The following WSCD2 variants were observed in gnomAD, a reference collection of about 807,000 sequenced individuals.
The protein encoded by WSCD2 is sialate:O-sulfotransferase 2.
Under a neutral mutation model 55.7 loss-of-function variants are expected in WSCD2, and 28 were observed. The observed-to-expected ratio is 0.50, with a 90% CI of 0.37 to 0.69. The LOEUF is 0.69. Ranked by LOEUF, WSCD2 falls within the 30% of genes least tolerant of loss-of-function variation. The pLI is 0.00. For synonymous variants in WSCD2, 301 were observed against 301.9 expected (o/e 1.00, Z 0.03); for missense variants, 616 against 762.1 (o/e 0.81, Z 2.26).
chr12:108,248,504 G>T lies in WSCD2; in HGVS notation c.*161G>T, dbSNP rs1180372132. On this transcript the variant is annotated 3_prime_UTR_variant, in exon 9 of 9. Coordinates refer to ENST00000547525, the MANE Select transcript of WSCD2 (RefSeq NM_014653.4). The surrounding 1 kb of genome is among the most constrained non-coding windows in gnomAD (Gnocchi z 4.3). The stretch of plus-strand genomic sequence containing the variant: ...ATGAGTTTCCTGCATGACAGAGGAG[G>T]CTCAAGGGAAGAGATTGCCCAGGCA... 4 of 1,425,670 alleles carry T rather than the reference G, an allele frequency of 2.8e-6. No individual in the cohort carries two copies. Among genetic ancestry groups the T allele is most frequent in the Non-Finnish European group, 1.8e-6 (2 of 1,093,858 alleles). The allele number at this position is 1,425,670 out of a possible 1,614,324, so 88.3% of individuals were successfully genotyped here.
In WSCD2 at chr12:108,151,488, G is replaced by A. The variant is rs58899115; in HGVS notation, c.-552+21562G>A. The stretch of plus-strand genomic sequence containing the variant: ...GGGGGTTCTATTGGCTAGGAAGAGG[G>A]AAGAGATGGAGTACAGGATTCACTG... On this transcript the variant is annotated intron_variant, in intron 1 of 8. Transcript: ENST00000547525. Among the ~76,000 whole-genome samples the A allele has an allele frequency of 5.5e-3, 842 of 152,332 alleles. 8 individuals carry two copies. Among genetic ancestry groups the A allele is most frequent in the African/African-American group, 0.02 (813 of 41,574 alleles).
At chr12:108,144,536 C>A (rs187675494) in intron 1 of WSCD2, among the ~76,000 whole-genome samples, 1 of 152,290 alleles carries the variant, frequency 6.6e-6, no homozygotes, top group East Asian at 1.9e-4. Context: ...AGGATTCTAT[C>A]CTAGCTCTCT....
chr12:108,161,151 C>T (rs1879014086), intron 1 of WSCD2, among the ~76,000 whole-genome samples: 2 of 152,298 alleles, frequency 1.3e-5, no homozygotes, highest in South Asian at 4.1e-4. Flanking sequence ...TCACTTTCTT[C>T]ATCTGTAAAA....
chr12:108,152,981 AT>A (rs1207876304), intron 1 of WSCD2, among the ~76,000 whole-genome samples: 2 of 152,118 alleles, frequency 1.3e-5, no homozygotes, highest in Non-Finnish European at 2.9e-5. Context: ...GTGCACACCT[AT>A]AACCCCAGCT....
intron 1 of WSCD2, among the ~76,000 whole-genome samples, chr12:108,158,425 G>A (rs1024796576): frequency 4.6e-5 from 6 of 129,280 alleles, no homozygotes; most frequent in Admixed American, 2.8e-4. Context: ...GTTAGGCTGC[G>A]CATGTTCCCA....
chr12:108,177,654 C>T (rs1881072005), intron 1 of WSCD2, among the ~76,000 whole-genome samples: 1 of 152,260 alleles, frequency 6.6e-6, no homozygotes, highest in South Asian at 2.1e-4. Flanking sequence ...GGCGTGGTGG[C>T]TCACACCTGT....
At chr12:108,157,789 T>C (rs1307637349) in intron 1 of WSCD2, among the ~76,000 whole-genome samples, 1 of 152,154 alleles carries the variant, frequency 6.6e-6, no homozygotes, top group East Asian at 1.9e-4. Context: ...TGGTAGATAT[T>C]TGGGTTTGTG....
At position 108,248,586 on chromosome 12, in the gene WSCD2, G is replaced by C; in HGVS notation, c.*243G>C. The C allele has an allele frequency of 7.7e-7, 1 of 1,306,690 alleles. No homozygotes were observed. Among genetic ancestry groups the C allele is most frequent in the Non-Finnish European group, 9.8e-7 (1 of 1,024,660 alleles). The allele number at this position is 1,306,690 out of a possible 1,614,324, so 80.9% of individuals were successfully genotyped here. A position where few individuals can be genotyped will look rare whatever the true frequency, so the allele number is the denominator to read the frequency against. ...CAATGTGGGGCATCTTGTTTAGGGG[G>C]TTCTAGTTACATGGACTCTTTTCTG... is the stretch of plus-strand genomic sequence containing the variant. On this transcript the variant is annotated 3_prime_UTR_variant, in exon 9 of 9. Transcript: ENST00000547525. The surrounding 1 kb of genome is among the most constrained non-coding windows in gnomAD (Gnocchi z 4.3).
chr12:108,227,306 C>T, intron 6 of WSCD2, 142 bp downstream of exon 6: 1 of 1,020,758 alleles, frequency 9.8e-7, no homozygotes. Context: ...TGAACTCCAC[C>T]AGGCTTAGAG....
intron 1 of WSCD2, among the ~76,000 whole-genome samples, chr12:108,177,984 TA>T (rs112894297): frequency 2.0e-5 from 3 of 149,822 alleles, no homozygotes; most frequent in South Asian, 2.1e-4. Context: ...TCTCTCTCAT[TA>T]AAAAAAAAGG....
chr12:108,209,020 T>C (rs940439213), intron 3 of WSCD2, among the ~76,000 whole-genome samples: 11 of 152,214 alleles, frequency 7.2e-5, no homozygotes, highest in African/African-American at 2.7e-4. Flanking sequence ...TCAAGCCTCT[T>C]TTATGGGTTT....
rs562803214 is a variant in WSCD2 at position 108,250,449 on chromosome 12, A to G, written c.*2106A>G. On this transcript the variant is annotated 3_prime_UTR_variant, in exon 9 of 9. Transcript: ENST00000547525. ...AAACTGTATCCCACAAGTTGCCGGT[A>G]TGACCATCTTATTTGTAATGAGTCT... 1.1e-4 allele frequency: 16 copies of G among 152,326 alleles called. 3 individuals are homozygous for G. Among genetic ancestry groups the G allele is most frequent in the African/African-American group, 3.6e-4 (15 of 41,542 alleles). The allele number at this position is 152,326 out of a possible 1,614,324, so 9.4% of individuals were successfully genotyped here. A position where few individuals can be genotyped will look rare whatever the true frequency, so the allele number is the denominator to read the frequency against.
chr12:108,154,247 A>G (rs1565920868), intron 1 of WSCD2, among the ~76,000 whole-genome samples: 1 of 152,162 alleles, frequency 6.6e-6, no homozygotes, highest in Admixed American at 6.5e-5. Context: ...CAGAAGTACA[A>G]CATGGGTCTC....
chr12:108,205,419 A>G (rs181074207), intron 2 of WSCD2, among the ~76,000 whole-genome samples: 279 of 152,318 alleles, frequency 1.8e-3, no homozygotes, highest in African/African-American at 5.8e-3. Flanking sequence ...ATCTTAAAAA[A>G]CATATGGGAA....
At chr12:108,217,312 A>C (rs1886956916) in intron 4 of WSCD2, among the ~76,000 whole-genome samples, 1 of 152,178 alleles carries the variant, frequency 6.6e-6, no homozygotes, top group African/African-American at 2.4e-5. Context: ...ACCACAGGAG[A>C]GTGTCAGGGA....
rs2136838076 is a variant in WSCD2, at chr12:108,129,673, TATCCCACTTTCCC to T, written c.-804_-792del. ...CGCTGCTGCAATTCAAGGCGCACAC[TATCCCACTTTCCC>T]GCTGGAGGCGCAGAGGATGCCCCTT... On this transcript the variant is annotated 5_prime_UTR_variant, in exon 1 of 9. Coordinates refer to ENST00000547525, the MANE Select transcript of WSCD2 (RefSeq NM_014653.4). The T allele has an allele frequency of 6.6e-6, 1 of 152,372 alleles. No individual in the cohort carries two copies. The highest frequency in any genetic ancestry group is 1.9e-4 in the East Asian group (1 of 5,164). The allele number at this position is 152,372 out of a possible 1,614,324, so 9.4% of individuals were successfully genotyped here. A position where few individuals can be genotyped will look rare whatever the true frequency, so the allele number is the denominator to read the frequency against.
At chr12:108,214,705 C>A (rs2137120823) in intron 4 of WSCD2, among the ~76,000 whole-genome samples, 1 of 152,338 alleles carries the variant, frequency 6.6e-6, no homozygotes, top group South Asian at 2.1e-4. Flanking sequence ...GACCACTGCA[C>A]TGCCTAAAAC....
chr12:108,228,951 G>A lies in WSCD2; in HGVS notation c.979+1787G>A, dbSNP rs1424281894. ...GTGCTGCCTTAGCCTGCAGGGGAAA[G>A]TCATACACAGATTAATTACCCTGTG... On this transcript the variant is annotated intron_variant, in intron 6 of 8. Transcript: ENST00000547525. 2.0e-5 allele frequency among the ~76,000 whole-genome samples: 3 copies of A among 152,348 alleles called. No homozygotes were observed. The East Asian group carries it at 5.8e-4, about 29-fold the overall frequency.
At chr12:108,190,616 C>A (rs1592975270) in intron 1 of WSCD2, among the ~76,000 whole-genome samples, 1 of 152,284 alleles carries the variant, frequency 6.6e-6, no homozygotes, top group East Asian at 1.9e-4. Flanking sequence ...CAGCTCTTCC[C>A]CACCCATCTT....
Sources: gnomAD v4.1 joint callset for allele counts (sites outside exome capture counted in the v4.1 genomes callset) on GRCh38, gnomAD v4.1.1 for gene constraint, Gnocchi (gnomAD v3.1) non-coding constraint, MANE v1.5 for transcripts, NCBI Gene and HGNC (gene_info 2026-07-23, HGNC 2026-07-21) for gene names.